DNAJC18: variants seen among roughly 807,000 people sequenced by gnomAD.
DNAJC18 encodes dnaJ homolog subfamily C member 18.
A neutral mutation model predicts 48.6 loss-of-function variants in DNAJC18; 40 were observed. That is an observed-to-expected ratio of 0.82 (90% confidence interval 0.64 to 1.07). DNAJC18 has a LOEUF of 1.07. Among genes scored for constraint, DNAJC18 ranks in the 50% least tolerant of loss-of-function variants. DNAJC18 has a pLI of 0.00. For synonymous variants in DNAJC18, 135 were observed against 152.2 expected, an observed-to-expected ratio of 0.89 and a Z score of 0.83; for missense variants, 340 against 427.7, an observed-to-expected ratio of 0.79 and a Z score of 1.81.
At chr5:139,425,383 C>T (rs1046320807) in intron 4 of DNAJC18, among the ~76,000 whole-genome samples, 10 of 152,148 alleles carry the variant, frequency 6.6e-5, no homozygotes, top group South Asian at 2.1e-4. Flanking sequence ...AGGCTGGTCT[C>T]GAACTCTTGA....
chr5:139,423,332 C>A (rs1759183664), intron 5 of DNAJC18, among the ~76,000 whole-genome samples: 1 of 151,480 alleles, frequency 6.6e-6, no homozygotes, highest in South Asian at 2.1e-4. Flanking sequence ...AAATCTAGAA[C>A]TTTTTGAGTA....
Position 139,426,216 on chromosome 5 carries a change from G to A in DNAJC18, c.515C>T (p.Pro172Leu). ...YYRDFEADIT[P>L]EELFNVFFGG... ...AAAGAAGACGTTGAACAGCTCTTCT[G>A]GAGTGATGTCAGCTTCAAAATCCCT... Residue 172 changes from proline to leucine, a missense_variant, in exon 4 of 8, where the codon CCA becomes CTA. By Grantham distance (98) the Pro-to-Leu change is moderately conservative. Transcript: ENST00000302060. 6.2e-7 allele frequency: 1 copy of A among 1,614,244 alleles called. No individual in the cohort carries two copies. The highest frequency in any genetic ancestry group is 8.5e-7 in the Non-Finnish European group (1 of 1,180,038).
At chr5:139,420,301 A>G (rs1370391504) in intron 6 of DNAJC18, 76 bp from the exon 7 acceptor site, 20 of 1,272,204 alleles carry the variant, frequency 1.6e-5, no homozygotes, top group Middle Eastern at 2.6e-4. Context: ...CCTCACAGAT[A>G]TCATCATCAT....
intron 4 of DNAJC18, among the ~76,000 whole-genome samples, chr5:139,425,352 T>C (rs1163129170): frequency 1.3e-5 from 2 of 152,092 alleles, no homozygotes; most frequent in Non-Finnish European, 2.9e-5. Context: ...TTAGTAGAGA[T>C]GGGGTTTCAC....
intron 4 of DNAJC18, 69 bp downstream of exon 4, chr5:139,426,103 C>A: frequency 6.6e-7 from 1 of 1,514,264 alleles, no homozygotes; most frequent in Non-Finnish European, 8.9e-7. Context: ...TTCAGATTTT[C>A]AAACAGGAGC....
At position 139,426,328 on chromosome 5, in the gene DNAJC18, T is replaced by C. The variant is rs151144607; in HGVS notation, c.403A>G (p.Asn135Asp). 1 of 1,614,138 alleles carries C rather than the reference T, an allele frequency of 6.2e-7. No individual in the cohort carries two copies. Among genetic ancestry groups the C allele is most frequent in the Admixed American group, 1.7e-5 (1 of 60,004 alleles). The part of the protein sequence containing the change: ...AIGNAFAVLS[N>D]PDKRLRYDEY... ...TCATAGCGAAGTCTCTTATCAGGAT[T>C]GCTCAGGACTGCAAATGCATTTCCT... Residue 135 changes from asparagine to aspartate, a missense_variant, in exon 4 of 8, where the codon AAT becomes GAT. Transcript: ENST00000302060.
chr5:139,422,997 G>A (rs1332776414), intron 5 of DNAJC18, among the ~76,000 whole-genome samples, 180 bp from the exon 6 acceptor site: 4 of 151,728 alleles, frequency 2.6e-5, no homozygotes, highest in African/African-American at 9.7e-5. Flanking sequence ...CACCACGCCC[G>A]GCTTAGTTTT....
At chr5:139,418,306 C>T (rs750969986) in intron 7 of DNAJC18, among the ~76,000 whole-genome samples, 1 of 152,122 alleles carries the variant, frequency 6.6e-6, no homozygotes, top group Non-Finnish European at 1.5e-5. Context: ...GCATGTGCTG[C>T]CACACCTGGC....
At chr5:139,416,581 T>A (rs1275390071) in intron 7 of DNAJC18, among the ~76,000 whole-genome samples, 1 of 152,258 alleles carries the variant, frequency 6.6e-6, no homozygotes, top group Non-Finnish European at 1.5e-5. Context: ...TGCTAAGAGT[T>A]ACACCCATAC....
chr5:139,411,493 G>A lies in DNAJC18; in HGVS notation c.*2655C>T, dbSNP rs1353613494. The stretch of plus-strand genomic sequence containing the variant: ...ATGATCAGGAGATCTTCCAAAGGAC[G>A]TAGGCGAGAGGAAAAAGCTTATTTT... On this transcript the variant is annotated 3_prime_UTR_variant, in exon 8 of 8. Coordinates refer to ENST00000302060, the MANE Select transcript of DNAJC18 (RefSeq NM_152686.4). 2 of 152,198 alleles carry A rather than the reference G, an allele frequency of 1.3e-5. No homozygotes were observed. The highest frequency in any genetic ancestry group is 1.9e-4 in the East Asian group (1 of 5,208). 9.4% of individuals were successfully genotyped at this position (152,198 alleles called of 1,614,324 possible).
chr5:139,427,935 C>T (rs939627932), intron 3 of DNAJC18, among the ~76,000 whole-genome samples: 1 of 152,160 alleles, frequency 6.6e-6, no homozygotes, highest in Non-Finnish European at 1.5e-5. Context: ...ATGGTTTTAG[C>T]ATTCACTGAA....
At chr5:139,433,316 C>T (rs1217781742) in intron 2 of DNAJC18, among the ~76,000 whole-genome samples, 13 of 152,090 alleles carry the variant, frequency 8.5e-5, no homozygotes, top group East Asian at 3.9e-4. Context: ...TGATGGTGGG[C>T]GCCTGTAATC....
At chr5:139,427,856 C>T (rs1269182226) in intron 3 of DNAJC18, among the ~76,000 whole-genome samples, 1 of 152,112 alleles carries the variant, frequency 6.6e-6, no homozygotes, top group Non-Finnish European at 1.5e-5. Context: ...TTGATTGTTT[C>T]CTCATTATTA....
Position 139,411,433 on chromosome 5 carries a change from C to G in DNAJC18, c.*2715G>C, listed in dbSNP as rs1463218523. The G allele has an allele frequency of 6.6e-6, 1 of 152,202 alleles. No homozygotes were observed. The highest frequency in any genetic ancestry group is 1.5e-5 in the Non-Finnish European group (1 of 68,042). 9.4% of individuals were successfully genotyped at this position (152,202 alleles called of 1,614,324 possible). On this transcript the variant is annotated 3_prime_UTR_variant, in exon 8 of 8. Coordinates refer to ENST00000302060, the MANE Select transcript of DNAJC18 (RefSeq NM_152686.4). ...AAACAGTCTAGAGCTGGGTGCCAAG[C>G]TCCGGCAGCAAGAATAAGCCCTACC...
intron 1 of DNAJC18, among the ~76,000 whole-genome samples, chr5:139,438,576 T>C (rs1489960542): frequency 2.0e-5 from 3 of 152,208 alleles, no homozygotes; most frequent in Non-Finnish European, 4.4e-5. Flanking sequence ...ATGTCTTCTC[T>C]GGAGGACCTG....
intron 3 of DNAJC18, among the ~76,000 whole-genome samples, chr5:139,427,223 TAAG>T (rs1562000099): frequency 1.3e-5 from 2 of 152,178 alleles, no homozygotes; most frequent in African/African-American, 2.4e-5. Context: ...TTTCTGAAAT[TAAG>T]AAATGTATTT....
At chr5:139,419,922 C>A (rs1759125085) in intron 7 of DNAJC18, 131 bp downstream of exon 7, 1 of 912,898 alleles carries the variant, frequency 1.1e-6, no homozygotes, top group Admixed American at 3.0e-5. Flanking sequence ...CCTGAATGGC[C>A]TTTGTCCTCT....
rs150274961 is a variant in DNAJC18, at chr5:139,423,731, A to G, written c.670-914T>C. 1.0e-3 allele frequency among the ~76,000 whole-genome samples: 158 copies of G among 151,494 alleles called. 1 individual carries two copies. The East Asian group carries it at 0.028, about 27-fold the overall frequency. On this transcript the variant is annotated intron_variant, in intron 5 of 7. Transcript: ENST00000302060. The stretch of plus-strand genomic sequence containing the variant: ...GGAATTGTCAAATATATAATGGTAT[A>G]ATGCAAATTTCCAAAATCCAAAAAA...
At chr5:139,422,666 C>T (rs763107316) in intron 6 of DNAJC18, 42 bp downstream of exon 6, 18 of 1,439,222 alleles carry the variant, frequency 1.3e-5, no homozygotes, top group Middle Eastern at 2.0e-4. Flanking sequence ...GTCTTTCACC[C>T]CCAGACTGTT....
Sources: gnomAD v4.1 joint callset for allele counts (sites outside exome capture counted in the v4.1 genomes callset) on GRCh38, gnomAD v4.1.1 for gene constraint, MANE v1.5 for transcripts, NCBI Gene and HGNC (gene_info 2026-07-23, HGNC 2026-07-21) for gene names.